Variants in ARHGEF12 observed in about 807,000 individuals in gnomAD.
ARHGEF12 encodes KMT2A/ARHGEF12 fusion protein.
Under a neutral mutation model 211.2 loss-of-function variants are expected in ARHGEF12, and 66 were observed. The observed-to-expected ratio is 0.31, with a 90% CI of 0.26 to 0.38. The LOEUF is 0.38. ARHGEF12 is among the 10% of genes least tolerant of loss of function. The pLI is 1.00. For missense variants in ARHGEF12, 1,429 were observed against 1,869.5 expected (o/e 0.76, Z 4.34); for synonymous variants, 592 against 638.4 (o/e 0.93, Z 1.09).
At chr11:120,361,672 T>C (rs1474708170) in intron 1 of ARHGEF12, among the ~76,000 whole-genome samples, 2 of 152,260 alleles carry the variant, frequency 1.3e-5, no homozygotes, top group African/African-American at 4.8e-5. Flanking sequence ...AATCCTTAAC[T>C]GGTCCTTTCA....
At chr11:120,362,293 T>C (rs574681640) in intron 1 of ARHGEF12, among the ~76,000 whole-genome samples, 12 of 152,324 alleles carry the variant, frequency 7.9e-5, no homozygotes, top group Admixed American at 5.9e-4. Flanking sequence ...ATACTTTGGA[T>C]ACTAAGCAAT....
intron 1 of ARHGEF12, 44 bp from the exon 2 acceptor site, chr11:120,406,074 C>G (rs368799758): frequency 1.4e-6 from 2 of 1,424,360 alleles, no homozygotes; most frequent in Non-Finnish European, 1.9e-6. Context: ...CAAAATCTTA[C>G]AAGTAAAGTA....
At chr11:120,443,643 T>A (rs1458547470) in intron 15 of ARHGEF12, among the ~76,000 whole-genome samples, 2 of 152,170 alleles carry the variant, frequency 1.3e-5, no homozygotes, top group Non-Finnish European at 2.9e-5. Flanking sequence ...TCTCAACCCT[T>A]TCACTTTGTC....
chr11:120,409,144 G>T (rs888268793), intron 3 of ARHGEF12: 3 of 467,858 alleles, frequency 6.4e-6, no homozygotes, highest in Non-Finnish European at 1.2e-5. Context: ...GATATATTTT[G>T]TATACTATTC....
At chr11:120,446,370 C>T in intron 16 of ARHGEF12, 33 bp from the exon 17 acceptor site, 2 of 1,551,420 alleles carry the variant, frequency 1.3e-6, no homozygotes, top group Non-Finnish European at 1.8e-6. Flanking sequence ...CAGAACATAC[C>T]TTTAGATAAC....
At position 120,457,766 on chromosome 11, in the gene ARHGEF12, T is replaced by C. The variant is rs1171981959; in HGVS notation, c.2225+10T>C. 1 of 1,607,618 alleles carries C rather than the reference T, an allele frequency of 6.2e-7. No homozygotes were observed. Among genetic ancestry groups the C allele is most frequent in the African/African-American group, 1.3e-5 (1 of 74,748 alleles). ...CAAAGCCCTTTCGAAAGTAAGTAAA[T>C]CTTAAGCAGCTTTCAATAAAGGCGC... On this transcript the variant is annotated intron_variant, in intron 24 of 40. Transcript: ENST00000397843.
chr11:120,434,245 C>T (rs1324731073), intron 11 of ARHGEF12, among the ~76,000 whole-genome samples: 6 of 152,162 alleles, frequency 3.9e-5, no homozygotes, highest in Non-Finnish European at 5.9e-5. Flanking sequence ...TCAGTACCTA[C>T]TTTGTGCCAG....
Position 120,421,860 on chromosome 11 carries a change from A to G in ARHGEF12, c.348+8A>G, listed in dbSNP as rs760909849. 13 of 1,606,318 alleles carry G rather than the reference A, an allele frequency of 8.1e-6. No individual in the cohort carries two copies. In the African/African-American group the frequency reaches 1.6e-4, roughly 20 times the overall value. On this transcript the variant is annotated splice_region_variant and intron_variant, in intron 6 of 40. Coordinates refer to ENST00000397843, the MANE Select transcript of ARHGEF12 (RefSeq NM_015313.3). ...GGTGATCGAATCATCAAGGTAAGGA[A>G]TAGGCTATTATAGAATTTACGGTAG...
At chr11:120,406,003 G>T in intron 1 of ARHGEF12, 115 bp from the exon 2 acceptor site, 1 of 748,282 alleles carries the variant, frequency 1.3e-6, no homozygotes, top group South Asian at 1.8e-5. Flanking sequence ...CTTGCTATTG[G>T]AAAGTTACCA....
At chr11:120,473,148 A>G (rs1213659006) in intron 31 of ARHGEF12, 21 bp downstream of exon 31, 1 of 1,604,482 alleles carries the variant, frequency 6.2e-7, no homozygotes, top group South Asian at 1.1e-5. Flanking sequence ...GTCTAATCAT[A>G]ATTTAAAAAA....
rs372717965 is a variant in ARHGEF12, at chr11:120,451,640, G to A, written c.1972G>A (p.Ala658Thr). The change falls in exon 22 of 41, where the codon GCT becomes ACT. Residue 658 changes from alanine to threonine, a missense_variant. By Grantham distance (58) the Ala-to-Thr change is moderately conservative. Transcript: ENST00000397843. ...QSGLANEGTD[A>T]GYLPANSMSS... ...TGGGTTAGCAAATGAAGGAACAGAC[G>A]CTGGATACCTGCCTGCCAATTCCAT... is the stretch of plus-strand genomic sequence containing the variant. 15 of 1,613,972 alleles carry A rather than the reference G, an allele frequency of 9.3e-6. No homozygotes were observed. The highest frequency in any genetic ancestry group is 3.3e-4 in the Middle Eastern group (2 of 6,084).
intron 1 of ARHGEF12, among the ~76,000 whole-genome samples, chr11:120,394,152 C>T (rs1392983680): frequency 1.3e-5 from 2 of 151,504 alleles, no homozygotes; most frequent in East Asian, 3.9e-4. Context: ...GCCATTAAAG[C>T]ATTACATAAA....
chr11:120,396,573 G>T (rs1944396676), intron 1 of ARHGEF12, among the ~76,000 whole-genome samples: 1 of 152,178 alleles, frequency 6.6e-6, no homozygotes, highest in Non-Finnish European at 1.5e-5. Context: ...ATGGAAAACT[G>T]ATTTTCAAAA....
intron 23 of ARHGEF12, 193 bp from the exon 24 acceptor site, chr11:120,457,528 A>C: frequency 2.2e-6 from 1 of 449,692 alleles, no homozygotes; most frequent in Admixed American, 4.0e-5. Flanking sequence ...CTAAAACACC[A>C]TTTCAGAACT....
At chr11:120,429,298 C>T in intron 8 of ARHGEF12, 142 bp from the exon 9 acceptor site, 1 of 580,864 alleles carries the variant, frequency 1.7e-6, no homozygotes. Flanking sequence ...AAAGCCTGTC[C>T]ACATAACCCG....
chr11:120,445,394 T>C (rs1946014007), intron 15 of ARHGEF12, 28 bp from the exon 16 acceptor site: 2 of 1,613,090 alleles, frequency 1.2e-6, no homozygotes, highest in Non-Finnish European at 1.7e-6. Flanking sequence ...TTAGCGTTGT[T>C]ACACCTTTTG....
At chr11:120,465,415 A>T in intron 28 of ARHGEF12, 53 bp downstream of exon 28, 1 of 1,605,426 alleles carries the variant, frequency 6.2e-7, no homozygotes. Context: ...TTTATCAATT[A>T]TCAGATAAAC....
In ARHGEF12 at chr11:120,478,363, G is replaced by A. The variant is rs751212343; in HGVS notation, c.3740G>A (p.Arg1247Gln). The A allele has an allele frequency of 1.6e-5, 26 of 1,614,012 alleles. No homozygotes were observed. The highest frequency in any genetic ancestry group is 1.9e-5 in the Non-Finnish European group (22 of 1,180,020). Residue 1247 changes from arginine (R) to glutamine (Q), a missense_variant, in exon 37 of 41, where the codon CGG (arginine) becomes CAG (glutamine). Physicochemically the swap from Arg to Gln is conservative, Grantham distance 43 (BLOSUM62 1). Transcript: ENST00000397843. ...TCACACCTGCCTGTCTCAGAAGAAC[G>A]GTGGGCATTGGATGCACTAAGAAAT... The part of the protein sequence containing the change: ...PDSHLPVSEE[R>Q]WALDALRNLG...
chr11:120,347,261 T>C (rs1942791268), intron 1 of ARHGEF12, among the ~76,000 whole-genome samples: 1 of 118,880 alleles, frequency 8.4e-6, no homozygotes, highest in African/African-American at 3.3e-5. Flanking sequence ...TCTCTCTCTC[T>C]CTCTCTGTCT....
Sources: gnomAD v4.1 joint callset for allele counts (sites outside exome capture counted in the v4.1 genomes callset) on GRCh38, gnomAD v4.1.1 for gene constraint, MANE v1.5 for transcripts, NCBI Gene and HGNC (gene_info 2026-07-23, HGNC 2026-07-21) for gene names.